SLC39A11: variants seen among roughly 807,000 people sequenced by gnomAD.
SLC39A11 encodes solute carrier family 39 member 11.
In SLC39A11, 33 loss-of-function variants were observed where a neutral mutation model predicts 36.1. The ratio of observed to expected loss-of-function variants is 0.91; its 90% CI spans 0.69 to 1.22. The LOEUF is 1.22. SLC39A11 is among the 50% of genes most tolerant of loss of function. The probability of loss-of-function intolerance (pLI) is 0.00; values close to 1 mark genes in which losing one functional copy is unlikely to be tolerated. For synonymous variants in SLC39A11, 166 were observed against 170.3 expected, an observed-to-expected ratio of 0.97 and a Z score of 0.20; for missense variants, 432 against 430.3, an observed-to-expected ratio of 1.00 and a Z score of -0.03.
intron 5 of SLC39A11, among the ~76,000 whole-genome samples, chr17:72,921,840 TG>T (rs1274406014): frequency 1.2e-4 from 19 of 152,224 alleles, no homozygotes; most frequent in African/African-American, 4.3e-4. Context: ...CGCTATGACA[TG>T]CCATTGGTTG....
rs78036805 is a variant in SLC39A11 at position 72,741,389 on chromosome 17, A to G, written c.602-4670T>C. Among the ~76,000 whole-genome samples, 90 of 152,292 alleles carry G rather than the reference A, an allele frequency of 5.9e-4. 1 individual carries two copies. The East Asian group carries it at 0.016, about 27-fold the overall frequency. On this transcript the variant is annotated intron_variant, in intron 6 of 9. Transcript: ENST00000255559. Reference sequence around the variant, plus strand: ...ATTTCTCTTCACTGTGAGTGGCACCATATATGATCTGTGTTTGTGGGTATA... The same window carrying G: ...ATTTCTCTTCACTGTGAGTGGCACCGTATATGATCTGTGTTTGTGGGTATA...
At chr17:72,833,772 C>T (rs2078389100) in intron 6 of SLC39A11, among the ~76,000 whole-genome samples, 2 of 152,086 alleles carry the variant, frequency 1.3e-5, no homozygotes, top group Admixed American at 6.6e-5. Flanking sequence ...CTCCTTCCAT[C>T]CCCCGACATC....
intron 5 of SLC39A11, among the ~76,000 whole-genome samples, chr17:72,941,791 T>G (rs1320367867): frequency 6.6e-6 from 1 of 152,194 alleles, no homozygotes; most frequent in African/African-American, 2.4e-5. Flanking sequence ...CTGGCAGTTA[T>G]TATTATTGAG....
At chr17:72,889,574 T>C (rs2081618760) in intron 5 of SLC39A11, among the ~76,000 whole-genome samples, 1 of 151,806 alleles carries the variant, frequency 6.6e-6, no homozygotes. Context: ...AAATACTGCT[T>C]TTATACATTC....
chr17:72,878,212 C>A (rs2081019466), intron 5 of SLC39A11, among the ~76,000 whole-genome samples: 1 of 152,020 alleles, frequency 6.6e-6, no homozygotes, highest in Non-Finnish European at 1.5e-5. Context: ...CTTAATGGCA[C>A]AAGGGGATCT....
chr17:73,057,633 T>C (rs1029252524), intron 3 of SLC39A11, among the ~76,000 whole-genome samples: 3 of 152,178 alleles, frequency 2.0e-5, no homozygotes, highest in African/African-American at 7.2e-5. Flanking sequence ...AATTCAGTAA[T>C]CTAGTTAGAA....
intron 6 of SLC39A11, among the ~76,000 whole-genome samples, chr17:72,817,711 C>T (rs1035428653): frequency 1.3e-5 from 2 of 152,272 alleles, no homozygotes; most frequent in East Asian, 1.9e-4. Flanking sequence ...TTTCCCTTTA[C>T]CTTCCACTCC....
intron 4 of SLC39A11, among the ~76,000 whole-genome samples, chr17:73,022,893 T>C (rs542438296): frequency 4.8e-4 from 73 of 152,134 alleles, no homozygotes; most frequent in African/African-American, 1.7e-3. Context: ...AACCCCACCC[T>C]GTGAATTAAA....
chr17:72,674,267 TTCC>T (rs942135064), intron 7 of SLC39A11, among the ~76,000 whole-genome samples: 223 of 152,342 alleles, frequency 1.5e-3, no homozygotes, highest in African/African-American at 4.8e-3. Flanking sequence ...TTATATCTCC[TTCC>T]TTTTTACATC....
chr17:73,059,421 T>A (rs575362394), intron 3 of SLC39A11, among the ~76,000 whole-genome samples: 12 of 152,216 alleles, frequency 7.9e-5, no homozygotes, highest in African/African-American at 2.9e-4. Context: ...ATCCCAGCAC[T>A]TTGGGGAGGC....
intron 6 of SLC39A11, among the ~76,000 whole-genome samples, chr17:72,758,905 G>A (rs921133001): frequency 2.0e-5 from 3 of 151,942 alleles, no homozygotes; most frequent in Non-Finnish European, 2.9e-5. Context: ...TAATCTTGGC[G>A]ACAGCCTGGC....
chr17:72,729,437 ATATATATATATATATATATAT>A (rs1213361559), intron 7 of SLC39A11, among the ~76,000 whole-genome samples: 157 of 2,514 alleles, frequency 0.062, 25 homozygotes, highest in Admixed American at 0.22. Flanking sequence ...ATATATATAT[ATATATATATATATATATATAT>A]TTTTTTTTTT....
chr17:73,040,584 T>C (rs991342653), intron 3 of SLC39A11, among the ~76,000 whole-genome samples: 3 of 152,202 alleles, frequency 2.0e-5, no homozygotes, highest in Non-Finnish European at 2.9e-5. Context: ...GATGTTCACA[T>C]TGGGGGAAAC....
At chr17:72,762,927 G>A (rs1379041173) in intron 6 of SLC39A11, among the ~76,000 whole-genome samples, 1 of 152,160 alleles carries the variant, frequency 6.6e-6, no homozygotes, top group East Asian at 1.9e-4. Context: ...GACCCACGTA[G>A]ACCATTTGGG....
intron 6 of SLC39A11, among the ~76,000 whole-genome samples, chr17:72,793,780 C>T (rs945868340): frequency 6.6e-6 from 1 of 152,156 alleles, no homozygotes; most frequent in East Asian, 1.9e-4. Flanking sequence ...TAATGGAATA[C>T]AGTGCCCAGA....
rs1567995011 is a variant in SLC39A11 at position 72,729,440 on chromosome 17, TATA to T, written c.671+7207_671+7209del. ...ATATATATATATATATATATATATA[TATA>T]TATATATATATATATTTTTTTTTTT... On this transcript the variant is annotated intron_variant, in intron 7 of 9. Transcript: ENST00000255559. 2.8e-3 allele frequency among the ~76,000 whole-genome samples: 15 copies of T among 5,314 alleles called. 1 individual carries two copies. The highest frequency in any genetic ancestry group is 5.8e-3 in the African/African-American group (7 of 1,210). The allele number at this position is 5,314 out of a possible 152,430, so 3.5% of individuals were successfully genotyped here.
chr17:72,829,017 A>C (rs925961844), intron 6 of SLC39A11, among the ~76,000 whole-genome samples: 2 of 152,208 alleles, frequency 1.3e-5, no homozygotes, highest in African/African-American at 4.8e-5. Flanking sequence ...TTGGTAACAC[A>C]GTGCAGAGCA....
intron 5 of SLC39A11, among the ~76,000 whole-genome samples, chr17:72,869,066 G>A (rs1408749566): frequency 6.6e-6 from 1 of 152,218 alleles, no homozygotes; most frequent in Non-Finnish European, 1.5e-5. Flanking sequence ...TTAAAAGAGA[G>A]AGCTTTCTCC....
chr17:73,075,315 A>C (rs567656070), intron 3 of SLC39A11, among the ~76,000 whole-genome samples: 1 of 152,208 alleles, frequency 6.6e-6, no homozygotes, highest in Non-Finnish European at 1.5e-5. Flanking sequence ...AGCAGAGTCA[A>C]CTGAGGCCCA....
Sources: allele counts gnomAD v4.1 joint callset (sites outside exome capture counted in the v4.1 genomes callset), GRCh38; gene constraint gnomAD v4.1.1; transcripts MANE v1.5; gene names NCBI Gene and HGNC (gene_info 2026-07-23, HGNC 2026-07-21).